MOCOS: variants seen among roughly 807,000 people sequenced by gnomAD.
The protein encoded by MOCOS is human molybdenum cofactor sulfurase.
Under a neutral mutation model 83.6 loss-of-function variants are expected in MOCOS, and 86 were observed. The ratio of observed to expected loss-of-function variants is 1.03; its 90% CI spans 0.86 to 1.23. The LOEUF (loss-of-function observed/expected upper bound fraction) is 1.23, where lower values mean the gene tolerates loss of function less well. Among genes scored for constraint, MOCOS ranks in the 50% most tolerant of loss-of-function variants. The probability of loss-of-function intolerance (pLI) is 0.00; values close to 1 mark genes in which losing one functional copy is unlikely to be tolerated. For missense variants in MOCOS, 1,120 were observed against 1,126.9 expected, an observed-to-expected ratio of 0.99 and a Z score of 0.09; for synonymous variants, 445 against 434.7, an observed-to-expected ratio of 1.02 and a Z score of -0.29.
intron 11 of MOCOS, among the ~76,000 whole-genome samples, chr18:36,253,801 G>A (rs1001260095): frequency 1.3e-5 from 2 of 152,110 alleles, no homozygotes; most frequent in East Asian, 1.9e-4. Context: ...GGGGAGTGAC[G>A]GGGGATAGAT....
At chr18:36,254,462 G>C (rs1417759556) in intron 11 of MOCOS, among the ~76,000 whole-genome samples, 5 of 63,214 alleles carry the variant, frequency 7.9e-5, no homozygotes, top group African/African-American at 2.8e-4. Context: ...TTATCTCTGT[G>C]TGTGTGTGTG....
chr18:36,205,175 C>G lies in MOCOS; in HGVS notation c.1117C>G (p.Arg373Gly). The G allele has an allele frequency of 6.2e-7, 1 of 1,613,716 alleles. No homozygotes were observed. Among genetic ancestry groups the G allele is most frequent in the African/African-American group, 1.3e-5 (1 of 74,928 alleles). Residue 373 changes from arginine (R) to glycine (G), a missense_variant, in exon 6 of 15, where the codon CGG becomes GGG. By Grantham distance (125) the Arg-to-Gly change is moderately radical. Coordinates refer to ENST00000261326, the MANE Select transcript of MOCOS (RefSeq NM_017947.4). ...LQYPNGAPVV[R>G]IYSDSEFSSP... Reference sequence around the variant, plus strand: ...GTACCCCAATGGAGCCCCTGTGGTGCGGATTTACAGCGATTCTGAGTTCAG... The same window carrying G: ...GTACCCCAATGGAGCCCCTGTGGTGGGGATTTACAGCGATTCTGAGTTCAG...
chr18:36,199,466 A>G lies in MOCOS; in HGVS notation c.300-217A>G, dbSNP rs189400293. On this transcript the variant is annotated intron_variant, in intron 3 of 14. Coordinates refer to ENST00000261326, the MANE Select transcript of MOCOS (RefSeq NM_017947.4). ...GTGGATTTTTTGTCATACATATCCA[A>G]TTGGAGATATCCAGTGATATTTGGG... Among the ~76,000 whole-genome samples, 95 of 152,360 alleles carry G rather than the reference A, an allele frequency of 6.2e-4. No individual in the cohort carries two copies. Among genetic ancestry groups the G allele is most frequent in the Non-Finnish European group, 9.0e-4 (61 of 68,030 alleles).
chr18:36,197,925 C>T (rs1335414336), intron 2 of MOCOS, among the ~76,000 whole-genome samples: 4 of 152,216 alleles, frequency 2.6e-5, no homozygotes, highest in African/African-American at 9.6e-5. Flanking sequence ...ACCTTACCCC[C>T]AGGCAATTGC....
intron 6 of MOCOS, 120 bp downstream of exon 6, chr18:36,205,396 C>G: frequency 1.0e-6 from 1 of 989,064 alleles, no homozygotes; most frequent in Non-Finnish European, 1.6e-6. Flanking sequence ...CAGCCACATG[C>G]CTTTCCACCT....
At chr18:36,240,566 CAG>C (rs2091577742) in intron 9 of MOCOS, among the ~76,000 whole-genome samples, 1 of 151,668 alleles carries the variant, frequency 6.6e-6, no homozygotes, top group Non-Finnish European at 1.5e-5. Flanking sequence ...TTTAAGTCTG[CAG>C]AGGTTACTGC....
chr18:36,215,991 C>T lies in MOCOS; in HGVS notation c.1797+14C>T. On this transcript the variant is annotated intron_variant, in intron 8 of 14. Transcript: ENST00000261326. ...GCTGCATTTGAGGTAAGGAATTTCA[C>T]AGCAGCACAGAAAGTCTTCTCTTTG... The T allele has an allele frequency of 6.2e-7, 1 of 1,602,726 alleles. No individual in the cohort carries two copies. Among genetic ancestry groups the T allele is most frequent in the Non-Finnish European group, 8.5e-7 (1 of 1,173,414 alleles).
At chr18:36,261,506 C>G (rs1305805061) in intron 13 of MOCOS, among the ~76,000 whole-genome samples, 1 of 152,174 alleles carries the variant, frequency 6.6e-6, no homozygotes, top group Non-Finnish European at 1.5e-5. Context: ...GCTCTGCACT[C>G]AGAAGGAACA....
chr18:36,254,537 A>C (rs2091634700), intron 11 of MOCOS, among the ~76,000 whole-genome samples: 1 of 149,894 alleles, frequency 6.7e-6, no homozygotes, highest in South Asian at 2.1e-4. Flanking sequence ...GAGAGAGAGA[A>C]CAAACTGTCC....
At chr18:36,232,200 C>A (rs1445870637) in intron 9 of MOCOS, among the ~76,000 whole-genome samples, 1 of 152,124 alleles carries the variant, frequency 6.6e-6, no homozygotes, top group Admixed American at 6.6e-5. Flanking sequence ...GTCTGAAACT[C>A]CTGAGCTCAA....
chr18:36,215,783 G>A lies in MOCOS; in HGVS notation c.1603G>A (p.Ala535Thr). The change falls in exon 8 of 15, where the codon GCC (alanine) becomes ACC (threonine). Residue 535 changes from alanine to threonine, a missense_variant. Ala to Thr is a moderately conservative substitution (Grantham distance 58). Transcript: ENST00000261326. The part of the protein sequence containing the change: ...GRRSLSPQED[A>T]LTGSRVWNNS... ...ACGTAGCCTCTCGCCTCAGGAAGAT[G>A]CCCTCACAGGCTCCAGGGTTTGGAA... 2 of 1,614,202 alleles carry A rather than the reference G, an allele frequency of 1.2e-6. No individual in the cohort carries two copies. Among genetic ancestry groups the A allele is most frequent in the Non-Finnish European group, 1.7e-6 (2 of 1,180,048 alleles).
intron 9 of MOCOS, among the ~76,000 whole-genome samples, chr18:36,234,694 T>G (rs1457510027): frequency 2.0e-5 from 3 of 152,196 alleles, no homozygotes; most frequent in African/African-American, 7.2e-5. Flanking sequence ...TGTGTTAGCC[T>G]GTTTTCACAC....
chr18:36,199,938 T>C lies in MOCOS; in HGVS notation c.555T>C (p.Ala185=). 3 of 1,614,226 alleles carry C rather than the reference T, an allele frequency of 1.9e-6. No homozygotes were observed. Among genetic ancestry groups the C allele is most frequent in the Non-Finnish European group, 2.5e-6 (3 of 1,180,042 alleles). The change falls in exon 4 of 15, where the codon GCT becomes GCC. Residue 185 remains alanine (A), a synonymous_variant. Coordinates refer to ENST00000261326, the MANE Select transcript of MOCOS (RefSeq NM_017947.4). ...EDLWSAEERS[A]SASNPDCQLP... The stretch of plus-strand genomic sequence containing the variant: ...TGTGGTCTGCAGAGGAACGTAGTGC[T>C]TCAGCCAGCAACCCAGACTGCCAGC...
intron 6 of MOCOS, among the ~76,000 whole-genome samples, chr18:36,213,095 G>T (rs1417786437): frequency 1.3e-5 from 2 of 152,230 alleles, no homozygotes; most frequent in Non-Finnish European, 2.9e-5. Context: ...AGTCCAGGCT[G>T]CGAGCTGAGG....
chr18:36,193,874 C>T (rs1261976231), intron 1 of MOCOS, among the ~76,000 whole-genome samples: 1 of 152,070 alleles, frequency 6.6e-6, no homozygotes, highest in African/African-American at 2.4e-5. Flanking sequence ...TTATAATACA[C>T]AAAAGTGGAA....
At chr18:36,208,765 C>G (rs958238153) in intron 6 of MOCOS, among the ~76,000 whole-genome samples, 16 of 152,216 alleles carry the variant, frequency 1.1e-4, no homozygotes, top group African/African-American at 3.6e-4. Flanking sequence ...TCTTCTCTTC[C>G]TATTTGGATG....
intron 9 of MOCOS, 146 bp downstream of exon 9, chr18:36,220,363 C>A: frequency 9.6e-7 from 1 of 1,043,838 alleles, no homozygotes; most frequent in Non-Finnish European, 1.4e-6. Flanking sequence ...AAAAAATTAT[C>A]CTGGGTGTGG....
At chr18:36,228,533 A>G (rs1471353581) in intron 9 of MOCOS, among the ~76,000 whole-genome samples, 1 of 152,226 alleles carries the variant, frequency 6.6e-6, no homozygotes, top group Non-Finnish European at 1.5e-5. Context: ...TTTTTCAGGG[A>G]CATAGATGAA....
At position 36,248,782 on chromosome 18, in the gene MOCOS, T is replaced by A. The variant is rs185523509; in HGVS notation, c.1961-140T>A. 66 of 716,684 alleles carry A rather than the reference T, an allele frequency of 9.2e-5. 1 individual carries two copies. In the East Asian group the frequency reaches 1.5e-3, roughly 17 times the overall value. 44.4% of individuals were successfully genotyped at this position (716,684 alleles called of 1,614,324 possible). On this transcript the variant is annotated intron_variant, in intron 9 of 14. Coordinates refer to ENST00000261326, the MANE Select transcript of MOCOS (RefSeq NM_017947.4). ...TGTGGATTTATATTTTGGTTCTGTA[T>A]CCTGTCACATTGGTCTATGTGTCTA... is the stretch of plus-strand genomic sequence containing the variant.
Sources: allele counts gnomAD v4.1 joint callset (sites outside exome capture counted in the v4.1 genomes callset), GRCh38; gene constraint gnomAD v4.1.1; transcripts MANE v1.5; gene names NCBI Gene and HGNC (gene_info 2026-07-23, HGNC 2026-07-21).